STPG2: variants seen among roughly 807,000 people sequenced by gnomAD.
The protein encoded by STPG2 is sperm tail PG-rich repeat containing 2.
STPG2 carries 56 observed loss-of-function variants against 54.2 expected under a neutral mutation model. The observed-to-expected ratio is 1.03, with a 90% CI of 0.83 to 1.29. The LOEUF (loss-of-function observed/expected upper bound fraction) is 1.29. STPG2 is among the 50% of genes most tolerant of loss of function. STPG2 has a pLI of 0.00. For missense variants in STPG2, 596 were observed against 544.9 expected (o/e 1.09, Z -0.93); for synonymous variants, 200 against 181.8 (o/e 1.10, Z -0.81).
chr4:97,956,405 A>G (rs1453672044), intron 7 of STPG2, among the ~76,000 whole-genome samples: 1 of 152,188 alleles, frequency 6.6e-6, no homozygotes, highest in African/African-American at 2.4e-5. Flanking sequence ...GATAATGGGA[A>G]TCATGGCAGA....
chr4:97,799,273 A>G (rs576380524), intron 9 of STPG2, among the ~76,000 whole-genome samples: 1 of 152,168 alleles, frequency 6.6e-6, no homozygotes, highest in Non-Finnish European at 1.5e-5. Flanking sequence ...GTTTCTTCCT[A>G]GCATCGATGG....
At chr4:97,874,551 C>A (rs1012180323) in intron 8 of STPG2, among the ~76,000 whole-genome samples, 1 of 151,742 alleles carries the variant, frequency 6.6e-6, no homozygotes, top group Non-Finnish European at 1.5e-5. Context: ...AAACAGTGAT[C>A]TGCTTTCTAG....
At chr4:97,568,843 G>A (rs925574306) in intron 10 of STPG2, among the ~76,000 whole-genome samples, 1 of 151,848 alleles carries the variant, frequency 6.6e-6, no homozygotes, top group Non-Finnish European at 1.5e-5. Context: ...GGTTAGCCCT[G>A]GCCAAATGTG....
rs191835790 is a variant in STPG2, at chr4:97,697,704, A to T, written c.1320+14995T>A. On this transcript the variant is annotated intron_variant, in intron 10 of 10. Transcript: ENST00000295268. ...CCTGCAGCACTGTGATATGCTCGTGATGGCTATGACACCCATGCTGAAGGT... is the reference window on the plus strand; with the variant it reads ...CCTGCAGCACTGTGATATGCTCGTGTTGGCTATGACACCCATGCTGAAGGT... 4.1e-3 allele frequency among the ~76,000 whole-genome samples: 622 copies of T among 152,300 alleles called. 3 individuals carry two copies. The highest frequency in any genetic ancestry group is 0.02 in the South Asian group (95 of 4,828).
chr4:97,635,769 T>A (rs2148938579), intron 10 of STPG2, among the ~76,000 whole-genome samples: 1 of 152,086 alleles, frequency 6.6e-6, no homozygotes, highest in South Asian at 2.1e-4. Context: ...GGTAAAGGGA[T>A]CAATTCAACA....
chr4:97,813,677 TAAAAAAAAAAAAAAA>T (rs869298230), intron 9 of STPG2, among the ~76,000 whole-genome samples: 10,164 of 46,388 alleles, frequency 0.22, 737 homozygotes, highest in East Asian at 0.45. Context: ...CCCTGTCTCT[TAAAAAAAAAAAAAAA>T]AAAAAAAAAA....
chr4:97,951,375 G>A (rs912885198), intron 7 of STPG2, among the ~76,000 whole-genome samples: 1 of 152,120 alleles, frequency 6.6e-6, no homozygotes, highest in Admixed American at 6.5e-5. Flanking sequence ...TGTGACCTTT[G>A]GGTGTATTGC....
chr4:97,543,669 T>A (rs563499394), intron 4 of STPG2, among the ~76,000 whole-genome samples: 3 of 152,146 alleles, frequency 2.0e-5, no homozygotes, highest in Non-Finnish European at 4.4e-5. Context: ...AAATTATGTA[T>A]GATTTACTAA....
chr4:97,929,042 A>G (rs1732441111), intron 8 of STPG2, among the ~76,000 whole-genome samples: 1 of 151,968 alleles, frequency 6.6e-6, no homozygotes, highest in Admixed American at 6.6e-5. Context: ...CCCACCCTCC[A>G]CCCTCAAGTA....
At chr4:97,831,735 T>G (rs1462986819) in intron 9 of STPG2, among the ~76,000 whole-genome samples, 1 of 152,132 alleles carries the variant, frequency 6.6e-6, no homozygotes, top group Non-Finnish European at 1.5e-5. Context: ...GAGAATACTA[T>G]AAATGCCTCT....
At chr4:97,687,335 T>A (rs1723230275) in intron 10 of STPG2, among the ~76,000 whole-genome samples, 1 of 151,670 alleles carries the variant, frequency 6.6e-6, no homozygotes, top group Non-Finnish European at 1.5e-5. Context: ...TTTTTTTTCT[T>A]TTTTTTGAGA....
intron 8 of STPG2, among the ~76,000 whole-genome samples, chr4:97,922,077 A>T (rs576608470): frequency 1.0e-3 from 152 of 152,326 alleles, no homozygotes; most frequent in Middle Eastern, 3.4e-3. Context: ...TGATAGGAAG[A>T]GTAAGTTCTG....
At chr4:97,486,895 A>ACC (rs1401394202) in intron 4 of STPG2, among the ~76,000 whole-genome samples, 4 of 148,928 alleles carry the variant, frequency 2.7e-5, no homozygotes, top group Non-Finnish European at 6.0e-5. Flanking sequence ...ACACACACAC[A>ACC]CAATGGAATA....
At chr4:97,704,704 A>G (rs1723887794) in intron 10 of STPG2, among the ~76,000 whole-genome samples, 1 of 152,170 alleles carries the variant, frequency 6.6e-6, no homozygotes, top group Admixed American at 6.5e-5. Context: ...TTTAAATCAC[A>G]TTTTCAAATA....
intron 10 of STPG2, among the ~76,000 whole-genome samples, chr4:97,697,290 A>G (rs1723608747): frequency 6.6e-6 from 1 of 152,200 alleles, no homozygotes; most frequent in Non-Finnish European, 1.5e-5. Flanking sequence ...AGAATTAAAA[A>G]GCATCTATAA....
At chr4:98,069,972 T>C in intron 5 of STPG2, among the ~76,000 whole-genome samples, 1 of 151,978 alleles carries the variant, frequency 6.6e-6, no homozygotes, top group East Asian at 1.9e-4. Context: ...AAAGAGCTAG[T>C]ACCATTTCTA....
intron 10 of STPG2, among the ~76,000 whole-genome samples, chr4:97,708,953 T>C (rs1724033170): frequency 6.6e-6 from 1 of 151,842 alleles, no homozygotes; most frequent in African/African-American, 2.4e-5. Flanking sequence ...AATATATCTT[T>C]GTTAATTTCT....
At chr4:97,862,314 G>C (rs1184108976) in intron 8 of STPG2, among the ~76,000 whole-genome samples, 2 of 152,010 alleles carry the variant, frequency 1.3e-5, no homozygotes, top group Non-Finnish European at 2.9e-5. Context: ...TGATAAAACA[G>C]ACTTTAAACC....
At chr4:98,134,643 A>G (rs181849177) in intron 1 of STPG2, among the ~76,000 whole-genome samples, 184 bp from the exon 2 acceptor site, 9 of 151,342 alleles carry the variant, frequency 5.9e-5, no homozygotes, top group East Asian at 5.8e-4. Flanking sequence ...TTTTATTAAT[A>G]TATTAAATAT....
Sources: gnomAD v4.1 joint callset for allele counts (sites outside exome capture counted in the v4.1 genomes callset) on GRCh38, gnomAD v4.1.1 for gene constraint, MANE v1.5 for transcripts, NCBI Gene and HGNC (gene_info 2026-07-23, HGNC 2026-07-21) for gene names.